Variants in ARHGEF3 observed in about 807,000 individuals in gnomAD.
ARHGEF3 encodes Rho guanine nucleotide exchange factor 3, also known as 59.8 kDA protein.
Under a neutral mutation model 63.2 loss-of-function variants are expected in ARHGEF3, and 28 were observed. That is an observed-to-expected ratio of 0.44 (90% CI 0.33 to 0.61). The LOEUF (loss-of-function observed/expected upper bound fraction) is 0.61. Ranked by LOEUF, ARHGEF3 falls within the 20% of genes least tolerant of loss-of-function variation. ARHGEF3 has a pLI of 0.03. For synonymous variants in ARHGEF3, 266 were observed against 254.2 expected, an observed-to-expected ratio of 1.05 and a Z score of -0.44; for missense variants, 533 against 659.3, an observed-to-expected ratio of 0.81 and a Z score of 2.10.
rs149260937 is a variant in ARHGEF3, at chr3:56,837,276, G to A, written c.192+45016C>T. ...AGGAAGGGGAGGGAGCAAGCAAAGAGTCCAGACGTTTTTCTACTCTGCTAC... is the reference window on the plus strand; with the variant it reads ...AGGAAGGGGAGGGAGCAAGCAAAGAATCCAGACGTTTTTCTACTCTGCTAC... On this transcript the variant is annotated intron_variant, in intron 4 of 12. Coordinates refer to the ARHGEF3 transcript ENST00000338458. Among the ~76,000 whole-genome samples the A allele has an allele frequency of 4.0e-3, 611 of 152,284 alleles. 1 individual carries two copies. The highest frequency in any genetic ancestry group is 0.014 in the African/African-American group (572 of 41,560).
chr3:56,863,884 A>G (rs953973533), intron 4 of ARHGEF3, among the ~76,000 whole-genome samples: 3 of 152,220 alleles, frequency 2.0e-5, no homozygotes, highest in African/African-American at 7.2e-5. Context: ...CAATACATAC[A>G]AGGTCTGATA....
At chr3:56,789,178 G>A (rs1472221843) in intron 1 of ARHGEF3, among the ~76,000 whole-genome samples, 3 of 152,138 alleles carry the variant, frequency 2.0e-5, no homozygotes, top group Non-Finnish European at 4.4e-5. Flanking sequence ...GGGCTTAGAG[G>A]ATGAGACACA....
At chr3:56,846,644 A>C (rs1238401958) in intron 4 of ARHGEF3, among the ~76,000 whole-genome samples, 1 of 152,112 alleles carries the variant, frequency 6.6e-6, no homozygotes, top group Non-Finnish European at 1.5e-5. Flanking sequence ...GCTCCTGTAC[A>C]CCCAAAATTA....
intron 3 of ARHGEF3, 83 bp downstream of exon 3, chr3:56,754,898 T>A: frequency 6.4e-7 from 1 of 1,563,814 alleles, no homozygotes. Context: ...ATTTGGAGAC[T>A]AAGGCGCAAA....
chr3:57,047,903 GA>G (rs1238446384), intron 1 of ARHGEF3, among the ~76,000 whole-genome samples: 20 of 152,088 alleles, frequency 1.3e-4, no homozygotes, highest in Non-Finnish European at 7.4e-5. Flanking sequence ...GATACATCCA[GA>G]CATTACTAAA....
At chr3:56,873,088 T>G (rs933573828) in intron 4 of ARHGEF3, among the ~76,000 whole-genome samples, 1 of 152,134 alleles carries the variant, frequency 6.6e-6, no homozygotes, top group Non-Finnish European at 1.5e-5. Context: ...AGTCTCTGCC[T>G]CCTGGGCTCA....
At chr3:56,959,964 G>C (rs938020933) in intron 2 of ARHGEF3, among the ~76,000 whole-genome samples, 1 of 152,202 alleles carries the variant, frequency 6.6e-6, no homozygotes, top group Admixed American at 6.5e-5. Flanking sequence ...GTGACAGAGC[G>C]AGACTCCATC....
At chr3:57,008,404 G>A (rs955816636) in intron 2 of ARHGEF3, among the ~76,000 whole-genome samples, 7 of 151,794 alleles carry the variant, frequency 4.6e-5, no homozygotes, top group Non-Finnish European at 1.0e-4. Flanking sequence ...TTGCCAAACA[G>A]AAACACACTG....
chr3:56,986,654 G>A (rs1701551229), intron 2 of ARHGEF3, among the ~76,000 whole-genome samples: 1 of 152,160 alleles, frequency 6.6e-6, no homozygotes, highest in African/African-American at 2.4e-5. Flanking sequence ...AGTCCATGAT[G>A]AAGACTGCAC....
At chr3:57,052,296 C>A (rs545952847) in intron 1 of ARHGEF3, among the ~76,000 whole-genome samples, 1 of 152,198 alleles carries the variant, frequency 6.6e-6, no homozygotes, top group Admixed American at 6.5e-5. Context: ...GGCTCCAGAG[C>A]CTACATTCTT....
At chr3:57,010,512 A>G (rs945338749) in intron 2 of ARHGEF3, among the ~76,000 whole-genome samples, 1 of 151,820 alleles carries the variant, frequency 6.6e-6, no homozygotes, top group African/African-American at 2.4e-5. Context: ...ACTCCTCTAT[A>G]TGTGACAACT....
intron 4 of ARHGEF3, among the ~76,000 whole-genome samples, chr3:56,751,707 A>G (rs1419782596): frequency 6.6e-6 from 1 of 152,236 alleles, no homozygotes; most frequent in Non-Finnish European, 1.5e-5. Flanking sequence ...AATGTTTTCA[A>G]AATCAAGATC....
chr3:56,911,819 G>C lies in ARHGEF3; in HGVS notation c.130-29465C>G, dbSNP rs1187370526. ...TAAGCCCTTACACACTAAGGTCTGA[G>C]CTACTCCAGAGGCCGATGGGGGAGG... On this transcript the variant is annotated intron_variant, in intron 3 of 12. Transcript: ENST00000338458. 3.9e-5 allele frequency among the ~76,000 whole-genome samples: 6 copies of C among 152,114 alleles called. 1 individual carries two copies. In the South Asian group the frequency reaches 1.2e-3, roughly 32 times the overall value.
chr3:56,870,700 G>C (rs1335686775), intron 4 of ARHGEF3, among the ~76,000 whole-genome samples: 1 of 152,024 alleles, frequency 6.6e-6, no homozygotes, highest in East Asian at 1.9e-4. Context: ...TGATAATGGG[G>C]GAGACTATGT....
intron 1 of ARHGEF3, among the ~76,000 whole-genome samples, chr3:56,779,278 T>TA (rs954051374): frequency 6.6e-6 from 1 of 152,096 alleles, no homozygotes; most frequent in Admixed American, 6.5e-5. Flanking sequence ...ACAAAGGACA[T>TA]AAAAAGTGAT....
intron 3 of ARHGEF3, among the ~76,000 whole-genome samples, chr3:56,955,191 TTTTTC>T (rs1220246460): frequency 6.6e-6 from 1 of 151,718 alleles, no homozygotes; most frequent in Non-Finnish European, 1.5e-5. Context: ...CTTTTTTTTT[TTTTTC>T]TTTTCTTTTT....
intron 1 of ARHGEF3, chr3:57,035,278 T>A (rs1041947275): frequency 7.1e-6 from 4 of 560,838 alleles, no homozygotes; most frequent in African/African-American, 5.8e-5. Context: ...TATCAAGGGT[T>A]ACCCAGTGTC....
chr3:56,908,042 T>G (rs2133886), intron 3 of ARHGEF3, among the ~76,000 whole-genome samples: 93,435 of 151,942 alleles, frequency 0.61, 28,766 homozygotes, highest in South Asian at 0.68. Flanking sequence ...CAGTTATCAT[T>G]GCTACAAAGA....
intron 2 of ARHGEF3, among the ~76,000 whole-genome samples, chr3:56,987,026 A>G (rs1701570491): frequency 6.6e-6 from 1 of 152,120 alleles, no homozygotes; most frequent in African/African-American, 2.4e-5. Context: ...TGCCTGGGTA[A>G]GATGGCAAAA....
Sources: allele counts gnomAD v4.1 joint callset (sites outside exome capture counted in the v4.1 genomes callset), GRCh38; gene constraint gnomAD v4.1.1; transcripts MANE v1.5; gene names NCBI Gene and HGNC (gene_info 2026-07-23, HGNC 2026-07-21).